The following SLC6A12 variants were observed in gnomAD, a reference collection of about 807,000 sequenced individuals.
SLC6A12 encodes the protein solute carrier family 6 member 12, also known as sodium- and chloride-dependent betaine transporter.
In SLC6A12, 50 loss-of-function variants were observed where a neutral mutation model predicts 73.3. The observed-to-expected ratio is 0.68, with a 90% CI of 0.54 to 0.86. The LOEUF is 0.86. SLC6A12 is among the 40% of genes least tolerant of loss of function. The probability of loss-of-function intolerance (pLI) is 0.00; values close to 1 mark genes in which losing one functional copy is unlikely to be tolerated. For synonymous variants in SLC6A12, 304 were observed against 309.2 expected (o/e 0.98, Z 0.18); for missense variants, 648 against 772.8 (o/e 0.84, Z 1.92).
downstream of SLC6A12, among the ~76,000 whole-genome samples, chr12:187,588 GCAAAAAAAAAAAAAAAAAAAAA>G (rs1939453675): frequency 1.6e-5 from 1 of 63,130 alleles, no homozygotes; most frequent in Non-Finnish European, 2.6e-5. Flanking sequence ...CTGCAAAAGA[GCAAAAAAAAAAAAAAAAAAAAA>G]AAAAAAAAAA....
At chr12:194,415 A>G (rs1448738122) in intron 13 of SLC6A12, among the ~76,000 whole-genome samples, 6 of 152,220 alleles carry the variant, frequency 3.9e-5, no homozygotes, top group African/African-American at 9.6e-5. Context: ...CTCTGCCCTG[A>G]ACCTTGTGAC....
downstream of SLC6A12, among the ~76,000 whole-genome samples, chr12:187,630 A>AAAAAAC (rs1565461372): frequency 1.7e-5 from 1 of 57,580 alleles, no homozygotes; most frequent in African/African-American, 6.8e-5. Context: ...AAAAAAAAAA[A>AAAAAAC]ACAAACCACA....
chr12:185,957 A>G (rs1939422368), downstream of SLC6A12, among the ~76,000 whole-genome samples: 1 of 152,144 alleles, frequency 6.6e-6, no homozygotes, highest in Non-Finnish European at 1.5e-5. Context: ...TTGTTACTTC[A>G]CTGAGCAGCA....
intron 12 of SLC6A12, 104 bp from the exon 13 acceptor site, chr12:195,431 G>T: frequency 1.3e-6 from 1 of 749,218 alleles, no homozygotes; most frequent in Non-Finnish European, 2.4e-6. Flanking sequence ...CTCCTGCCCG[G>T]CCTGTGGGAT....
chr12:192,689 G>A lies in SLC6A12; in HGVS notation c.1531-41C>T, dbSNP rs374653199. ...GGCAGCCATGGGTAAGATAGGGGGC[G>A]ACTGAAACCCTCTCCGCAGCTACGT... On this transcript the variant is annotated intron_variant, in intron 14 of 15. Transcript: ENST00000684302. The A allele has an allele frequency of 1.1e-4, 174 of 1,588,548 alleles. No homozygotes were observed. In the Middle Eastern group the frequency reaches 1.7e-3, roughly 15 times the overall value.
In SLC6A12 at chr12:198,981, C is replaced by A; in HGVS notation, c.712-50G>T. ...GTCACTCCTGGTGGGGACGCAGTGGCCCTCCAGCCACGCCCCACAGGCAGC... is the reference window on the plus strand; with the variant it reads ...GTCACTCCTGGTGGGGACGCAGTGGACCTCCAGCCACGCCCCACAGGCAGC... On this transcript the variant is annotated intron_variant, in intron 7 of 15. Coordinates refer to ENST00000684302, the MANE Select transcript of SLC6A12 (RefSeq NM_001122848.3). The surrounding 1 kb of genome is among the most constrained non-coding windows in gnomAD (Gnocchi z 4.0). 6.2e-7 allele frequency: 1 copy of A among 1,602,922 alleles called. No individual in the cohort carries two copies. The highest frequency in any genetic ancestry group is 1.3e-5 in the African/African-American group (1 of 74,854).
At position 209,996 on chromosome 12, in the gene SLC6A12, G is replaced by C. The variant is rs201477185; in HGVS notation, c.-10C>G. ...CCACCTTCCCGTCCATGGCTGTGTG[G>C]TGGGTTGGGAAGCCCCGCTGGGTGG... On this transcript the variant is annotated 5_prime_UTR_variant, in exon 3 of 16. Coordinates refer to ENST00000684302, the MANE Select transcript of SLC6A12 (RefSeq NM_001122848.3). 502 of 1,613,696 alleles carry C rather than the reference G, an allele frequency of 3.1e-4. No homozygotes were observed. The highest frequency in any genetic ancestry group is 1.3e-3 in the Middle Eastern group (8 of 6,082).
intron 14 of SLC6A12, chr12:193,017 G>T (rs183224605): frequency 1.7e-5 from 9 of 526,350 alleles, no homozygotes; most frequent in Admixed American, 1.6e-4. Context: ...ACCAACCATC[G>T]AGAAATCAGG....
At chr12:200,281 TGTATTTTTA>T (rs1940168373) in intron 7 of SLC6A12, among the ~76,000 whole-genome samples, 1 of 151,026 alleles carries the variant, frequency 6.6e-6, no homozygotes, top group African/African-American at 2.5e-5. Flanking sequence ...GCTAATTTTT[TGTATTTTTA>T]GTAGAGACGG....
In SLC6A12 at chr12:204,456, G is replaced by C. The variant is rs9783496; in HGVS notation, c.349+108C>G. ...GATTCTGCACTTGGCGCAGGATATG[G>C]GAGTGAGCGGATGGGTGAAGCAGCG... On this transcript the variant is annotated intron_variant, in intron 4 of 15. Coordinates refer to ENST00000684302, the MANE Select transcript of SLC6A12 (RefSeq NM_001122848.3). 0.016 allele frequency: 17,344 copies of C among 1,097,804 alleles called. 1,205 individuals are homozygous for C. In the African/African-American group the frequency reaches 0.19, roughly 12 times the overall value. The allele number at this position is 1,097,804 out of a possible 1,614,324, so 68.0% of individuals were successfully genotyped here. A position where few individuals can be genotyped will look rare whatever the true frequency, so the allele number is the denominator to read the frequency against.
the SLC6A12 span, among the ~76,000 whole-genome samples, chr12:184,522 G>A: frequency 0.029 from 4,340 of 152,184 alleles, 201 homozygotes; most frequent in African/African-American, 0.097. Flanking sequence ...AGGCCGAGGC[G>A]GGCGGATCAC....
chr12:209,920 C>G lies in SLC6A12; in HGVS notation c.67G>C (p.Glu23Gln). ...TCCTCGTCTTCCTGGTCCAACTTCT[C>G]TCCCTCCTCGGGGACCCAGGAGACT... ...PAVSWVPEEG[E>Q]KLDQEDEDQV... is the part of the protein sequence containing the mutation. Residue 23 changes from glutamate (E) to glutamine (Q), a missense_variant, in exon 3 of 16, where the codon GAG (glutamate) becomes CAG (glutamine). By Grantham distance (29) the Glu-to-Gln change is conservative (BLOSUM62 2). Coordinates refer to ENST00000684302, the MANE Select transcript of SLC6A12 (RefSeq NM_001122848.3). 6.2e-7 allele frequency: 1 copy of G among 1,614,240 alleles called. No homozygotes were observed. Among genetic ancestry groups the G allele is most frequent in the Non-Finnish European group, 8.5e-7 (1 of 1,180,040 alleles).
At chr12:185,550 A>C (rs951410741), downstream of SLC6A12, among the ~76,000 whole-genome samples, 9 of 152,246 alleles carry the variant, frequency 5.9e-5, no homozygotes, top group African/African-American at 2.2e-4. Context: ...CTGCACCAGA[A>C]GTTCCGGCTA....
chr12:200,888 A>G, intron 6 of SLC6A12, 105 bp from the exon 7 acceptor site: 1 of 1,239,574 alleles, frequency 8.1e-7, no homozygotes, highest in Non-Finnish European at 1.1e-6. Context: ...CGGATCTCAT[A>G]TTCCAGGGCT....
intron 5 of SLC6A12, among the ~76,000 whole-genome samples, chr12:202,145 G>A (rs1434274707): frequency 4.6e-5 from 7 of 152,060 alleles, no homozygotes; most frequent in African/African-American, 1.7e-4. Context: ...CACTCTCCCC[G>A]CTTGCCCGTT....
At chr12:194,763 A>G (rs2137116785) in intron 13 of SLC6A12, among the ~76,000 whole-genome samples, 1 of 152,326 alleles carries the variant, frequency 6.6e-6, no homozygotes, top group African/African-American at 2.4e-5. Context: ...AGAGAAATGC[A>G]TAAATGGAAA....
At chr12:210,373 C>T (rs1206598341) in intron 2 of SLC6A12, 1 of 1,119,744 alleles carries the variant, frequency 8.9e-7, no homozygotes, top group Admixed American at 4.6e-5. Context: ...GCCCATCTGC[C>T]CAGGTCCTTG....
At chr12:196,342 T>G (rs1453800688) in intron 11 of SLC6A12, 81 bp from the exon 12 acceptor site, 1 of 1,494,746 alleles carries the variant, frequency 6.7e-7, no homozygotes, top group East Asian at 2.3e-5. Context: ...TTCCCCTGGC[T>G]CATCCACACT....
At chr12:203,919 G>GCGCGGTGCA (rs1308605986) in intron 4 of SLC6A12, 6 of 152,552 alleles carry the variant, frequency 3.9e-5, no homozygotes, top group Non-Finnish European at 7.3e-5. Flanking sequence ...CACCAGCACA[G>GCGCGGTGCA]CGCGGTGCAC....
Sources: gnomAD v4.1 joint callset for allele counts (sites outside exome capture counted in the v4.1 genomes callset) on GRCh38, gnomAD v4.1.1 for gene constraint, Gnocchi (gnomAD v3.1) non-coding constraint, MANE v1.5 for transcripts, NCBI Gene and HGNC (gene_info 2026-07-23, HGNC 2026-07-21) for gene names.